TIAM1: variants seen among roughly 807,000 people sequenced by gnomAD.
TIAM1 encodes TIAM Rac1 associated GEF 1.
A neutral mutation model predicts 163.5 loss-of-function variants in TIAM1; 65 were observed. That is an observed-to-expected ratio of 0.40 (90% CI 0.33 to 0.49). TIAM1 has a LOEUF of 0.49. TIAM1 is among the 20% of genes least tolerant of loss of function. The pLI, the probability that TIAM1 is intolerant of heterozygous loss-of-function variation, is 0.77. For missense variants in TIAM1, 1,789 were observed against 2,044.7 expected (o/e 0.87, Z 2.41); for synonymous variants, 833 against 810.1 (o/e 1.03, Z -0.48).
chr21:31,241,093 G>T (rs1254003028), intron 6 of TIAM1, among the ~76,000 whole-genome samples: 2 of 152,038 alleles, frequency 1.3e-5, no homozygotes, highest in Non-Finnish European at 2.9e-5. Context: ...CTCCTCCTTT[G>T]CCTTCTGCCA....
intron 1 of TIAM1, among the ~76,000 whole-genome samples, chr21:31,516,107 CAAAA>C (rs1345174912): frequency 3.1e-5 from 2 of 64,344 alleles, no homozygotes. Context: ...GACTCCATCT[CAAAA>C]AAAAAAAAAA....
At chr21:31,173,554 A>AGAG (rs2084623709) in intron 15 of TIAM1, among the ~76,000 whole-genome samples, 2 of 135,820 alleles carry the variant, frequency 1.5e-5, no homozygotes, top group Admixed American at 7.8e-5. Context: ...GAGAGAGAGA[A>AGAG]AAGAAAAGAA....
At chr21:31,322,116 G>C (rs989823113) in intron 2 of TIAM1, among the ~76,000 whole-genome samples, 1 of 152,100 alleles carries the variant, frequency 6.6e-6, no homozygotes, top group Non-Finnish European at 1.5e-5. Flanking sequence ...CATCTAAATA[G>C]GAATAGTGAA....
chr21:31,165,410 A>C (rs2084161249), intron 15 of TIAM1, among the ~76,000 whole-genome samples: 1 of 152,156 alleles, frequency 6.6e-6, no homozygotes, highest in African/African-American at 2.4e-5. Flanking sequence ...TGAGGTCATG[A>C]GGGTGGGGTC....
In TIAM1 at chr21:31,141,315, C is replaced by T. The variant is rs370719700; in HGVS notation, c.3655+10G>A. ...CTCAGGCCTGCCGGGGGTCCCAGGC[C>T]GAGGCCTACCGTCCAGGTGGTAGTG... is the stretch of plus-strand genomic sequence containing the variant. On this transcript the variant is annotated intron_variant, in intron 21 of 27. Coordinates refer to ENST00000541036, the MANE Select transcript of TIAM1 (RefSeq NM_001353694.2). The surrounding 1 kb of genome is among the most constrained non-coding windows in gnomAD (Gnocchi z 4.7). 1.3e-5 allele frequency: 21 copies of T among 1,613,656 alleles called. No homozygotes were observed. Among genetic ancestry groups the T allele is most frequent in the South Asian group, 8.8e-5 (8 of 91,004 alleles).
At chr21:31,423,090 C>CTTTT (rs11356685) in intron 2 of TIAM1, among the ~76,000 whole-genome samples, 4 of 54,576 alleles carry the variant, frequency 7.3e-5, no homozygotes, top group Non-Finnish European at 1.2e-4. Context: ...ACAGCACTAT[C>CTTTT]TTTTTTTTTT....
chr21:31,232,748 G>A (rs933578460), intron 6 of TIAM1, among the ~76,000 whole-genome samples: 1 of 152,088 alleles, frequency 6.6e-6, no homozygotes, highest in African/African-American at 2.4e-5. Context: ...GGGTCCCTTC[G>A]TCAGAATTCA....
chr21:31,357,835 T>G (rs189694458), intron 2 of TIAM1, among the ~76,000 whole-genome samples: 8 of 152,350 alleles, frequency 5.3e-5, no homozygotes, highest in Non-Finnish European at 1.0e-4. Context: ...TTGACACCAC[T>G]GATTACTCAT....
chr21:31,363,327 C>T (rs896178104), intron 2 of TIAM1, among the ~76,000 whole-genome samples: 2 of 152,152 alleles, frequency 1.3e-5, no homozygotes, highest in Non-Finnish European at 2.9e-5. Flanking sequence ...GACTGGTACA[C>T]AGACAAACGT....
upstream of TIAM1, among the ~76,000 whole-genome samples, chr21:31,347,738 G>A (rs11701351): frequency 0.19 from 28,761 of 151,942 alleles, 2,942 homozygotes; most frequent in Middle Eastern, 0.37. Flanking sequence ...ATGCATGCAC[G>A]GACGTTCAGA....
rs1279053911 is a variant in TIAM1 at position 31,394,728 on chromosome 21, T to TCTCACACA, written c.-368-55307_-368-55306insTGTGTGAG. ...CTCTCGCTCTCTCTCTCTCTCTCTC[T>TCTCACACA]CACACACACACACACACACACACAC... On this transcript the variant is annotated intron_variant, in intron 2 of 28. Transcript: ENST00000286827. Among the ~76,000 whole-genome samples, 328 of 95,720 alleles carry TCTCACACA rather than the reference T, an allele frequency of 3.4e-3. 4 individuals carry two copies. The highest frequency in any genetic ancestry group is 8.8e-3 in the Middle Eastern group (1 of 114). 62.8% of individuals were successfully genotyped at this position (95,720 alleles called of 152,430 possible). A position where few individuals can be genotyped will look rare whatever the true frequency, so the allele number is the denominator to read the frequency against.
At chr21:31,428,855 C>G (rs924797772) in intron 2 of TIAM1, among the ~76,000 whole-genome samples, 2 of 151,132 alleles carry the variant, frequency 1.3e-5, no homozygotes, top group Admixed American at 6.6e-5. Flanking sequence ...TGTACTCCAG[C>G]CTGGGTGACA....
intron 1 of TIAM1, among the ~76,000 whole-genome samples, chr21:31,547,173 C>CATT (rs905679424): frequency 1.3e-5 from 2 of 152,156 alleles, no homozygotes; most frequent in African/African-American, 4.8e-5. Flanking sequence ...TAATAAGCTA[C>CATT]ATTAACTGGT....
At chr21:31,508,999 C>T (rs762199) in intron 1 of TIAM1, among the ~76,000 whole-genome samples, 111,240 of 152,072 alleles carry the variant, frequency 0.73, 41,176 homozygotes, top group East Asian at 0.98. Flanking sequence ...CCTCCACCCC[C>T]ATGTCTAGAG....
intron 1 of TIAM1, among the ~76,000 whole-genome samples, chr21:31,489,497 G>GA: frequency 1.5e-5 from 2 of 134,604 alleles, no homozygotes; most frequent in Non-Finnish European, 3.2e-5. Flanking sequence ...AAGAGAGAGA[G>GA]GGAGGGAGAC....
chr21:31,432,974 A>C (rs1457779386), intron 2 of TIAM1, among the ~76,000 whole-genome samples: 2 of 152,250 alleles, frequency 1.3e-5, no homozygotes, highest in African/African-American at 4.8e-5. Flanking sequence ...CATTACAGAT[A>C]AAGAAATGCC....
At chr21:31,135,894 G>A (rs1490310316) in intron 23 of TIAM1, 39 bp downstream of exon 23, 1 of 1,565,644 alleles carries the variant, frequency 6.4e-7, no homozygotes. Context: ...AACTAAGCTA[G>A]ACTTTTCCCC....
chr21:31,159,062 G>A (rs1184440194), intron 16 of TIAM1, among the ~76,000 whole-genome samples: 2 of 152,146 alleles, frequency 1.3e-5, no homozygotes, highest in Admixed American at 6.5e-5. Flanking sequence ...GGGGAAGGCA[G>A]ACCAGGTTTC....
intron 2 of TIAM1, among the ~76,000 whole-genome samples, chr21:31,337,548 T>A (rs865978513): frequency 1.0e-5 from 1 of 100,482 alleles, no homozygotes; most frequent in African/African-American, 5.1e-5. Context: ...TATTATTATT[T>A]TGAGACAGAG....
Sources: gnomAD v4.1 joint callset for allele counts (sites outside exome capture counted in the v4.1 genomes callset) on GRCh38, gnomAD v4.1.1 for gene constraint, Gnocchi (gnomAD v3.1) non-coding constraint, MANE v1.5 for transcripts, NCBI Gene and HGNC (gene_info 2026-07-23, HGNC 2026-07-21) for gene names.